The following SAR1B variants were observed in gnomAD, a reference collection of about 807,000 sequenced individuals.
The protein encoded by SAR1B is small COPII coat GTPase SAR1B.
In SAR1B, 23 loss-of-function variants were observed where a neutral mutation model predicts 26.8. The ratio of observed to expected loss-of-function variants is 0.86; its 90% CI spans 0.62 to 1.22. The LOEUF (loss-of-function observed/expected upper bound fraction) is 1.22, where lower values mean the gene tolerates loss of function less well. Among genes scored for constraint, SAR1B ranks in the 50% most tolerant of loss-of-function variants. The probability of loss-of-function intolerance (pLI) is 0.00; values close to 1 mark genes in which losing one functional copy is unlikely to be tolerated. For synonymous variants in SAR1B, 65 were observed against 80.8 expected (o/e 0.80, Z 1.05); for missense variants, 196 against 232.8 (o/e 0.84, Z 1.03).
intron 3 of SAR1B, chr5:134,614,202 TC>T (rs1765270207): frequency 6.6e-6 from 1 of 152,196 alleles, no homozygotes; most frequent in South Asian, 2.1e-4. Flanking sequence ...ATTTTTCATT[TC>T]TAGAAGTTTC....
chr5:134,630,778 C>CAA (rs772159748), intron 1 of SAR1B, among the ~76,000 whole-genome samples: 4 of 59,238 alleles, frequency 6.8e-5, no homozygotes, highest in African/African-American at 2.5e-4. Context: ...GACTCCGTCT[C>CAA]AAAAAAAAAA....
At chr5:134,609,763 G>C (rs574036522) in intron 4 of SAR1B, 89 bp from the exon 5 acceptor site, 2 of 955,096 alleles carry the variant, frequency 2.1e-6, no homozygotes, top group South Asian at 1.3e-5. Context: ...TATCAAGTGC[G>C]GTAATCCCTT....
intron 1 of SAR1B, among the ~76,000 whole-genome samples, chr5:134,624,967 T>A (rs1034572380): frequency 1.3e-5 from 2 of 152,006 alleles, no homozygotes; most frequent in Non-Finnish European, 2.9e-5. Flanking sequence ...GGCTTGAGTA[T>A]GATGATAAAC....
chr5:134,618,735 C>T (rs1402547442), intron 3 of SAR1B, among the ~76,000 whole-genome samples: 3 of 151,306 alleles, frequency 2.0e-5, no homozygotes, highest in East Asian at 2.0e-4. Context: ...TGGTGGCTCA[C>T]GCCTGTAATC....
chr5:134,609,607 G>A lies in SAR1B; in HGVS notation c.312C>T (p.Asp104=), dbSNP rs780986874. The A allele has an allele frequency of 4.3e-6, 7 of 1,614,054 alleles. No individual in the cohort carries two copies. Among genetic ancestry groups the A allele is most frequent in the Non-Finnish European group, 5.9e-6 (7 of 1,179,946 alleles). The change falls in exon 5 of 7, where the codon GAC becomes GAT. Residue 104 remains aspartate, a synonymous_variant. Coordinates refer to ENST00000402673, the MANE Select transcript of SAR1B (RefSeq NM_016103.4). The part of the protein sequence containing the change: ...NGIVFLVDCA[D]HERLLESKEE... The stretch of plus-strand genomic sequence containing the variant: ...CTTTTGACTCTAACAGCCTTTCGTG[G>A]TCTGCACAATCCACCAGAAATACAA...
intron 1 of SAR1B, among the ~76,000 whole-genome samples, 187 bp from the exon 2 acceptor site, chr5:134,624,224 C>A (rs575734251): frequency 6.6e-6 from 1 of 152,256 alleles, no homozygotes; most frequent in South Asian, 2.1e-4. Flanking sequence ...GCCTGGCCAA[C>A]ATGGTGAAAC....
chr5:134,629,437 C>T (rs1253146732), intron 1 of SAR1B, among the ~76,000 whole-genome samples: 1 of 146,720 alleles, frequency 6.8e-6, no homozygotes, highest in South Asian at 2.2e-4. Context: ...GGTGGCTCAC[C>T]CCTGTAATCC....
intron 6 of SAR1B, among the ~76,000 whole-genome samples, chr5:134,607,570 C>T (rs570328390): frequency 4.6e-5 from 7 of 151,964 alleles, no homozygotes; most frequent in South Asian, 4.2e-4. Context: ...GTCAGGAGTT[C>T]GAGACCAGAC....
intron 1 of SAR1B, among the ~76,000 whole-genome samples, chr5:134,628,137 C>T (rs1470438744): frequency 2.6e-5 from 4 of 151,626 alleles, no homozygotes; most frequent in Admixed American, 1.3e-4. Flanking sequence ...GAGCAAGACT[C>T]CGTCTCAAAA....
At chr5:134,617,504 T>C (rs1297720575) in intron 3 of SAR1B, among the ~76,000 whole-genome samples, 1 of 152,186 alleles carries the variant, frequency 6.6e-6, no homozygotes, top group Non-Finnish European at 1.5e-5. Flanking sequence ...AAGGTTGAGA[T>C]AGCATCTGTT....
At chr5:134,625,403 G>A (rs1020659125) in intron 1 of SAR1B, among the ~76,000 whole-genome samples, 1 of 152,184 alleles carries the variant, frequency 6.6e-6, no homozygotes. Context: ...GATTTTGAGA[G>A]TACTAGTGAG....
At chr5:134,609,486 G>A in intron 5 of SAR1B, 85 bp downstream of exon 5, 1 of 1,053,806 alleles carries the variant, frequency 9.5e-7, no homozygotes, top group Non-Finnish European at 1.5e-6. Flanking sequence ...CAGAAAAGCT[G>A]CACTCTGATA....
intron 3 of SAR1B, among the ~76,000 whole-genome samples, chr5:134,617,231 CAAA>C (rs879542262): frequency 7.2e-6 from 1 of 139,186 alleles, no homozygotes; most frequent in African/African-American, 2.6e-5. Context: ...GACACTGACT[CAAA>C]AAAAAAAAAT....
rs370358953 is a variant in SAR1B at position 134,621,046 on chromosome 5, T to C, written c.65A>G (p.Tyr22Cys). ...AAATACCAGTTTACCAGTTTTCTTA[T>C]ATAATCCTGCAAAGCAAGAGCTATG... ...FSSVLQFLGL[Y>C]KKTGKLVFLG... Residue 22 changes from tyrosine (Y) to cysteine (C), a missense_variant, in exon 3 of 7, where the codon TAT (tyrosine) becomes TGT (cysteine). Coordinates refer to ENST00000402673, the MANE Select transcript of SAR1B (RefSeq NM_016103.4). 3 of 1,613,180 alleles carry C rather than the reference T, an allele frequency of 1.9e-6. No homozygotes were observed. The African/African-American group carries it at 4.0e-5, about 22-fold the overall frequency.
chr5:134,615,537 C>T (rs1286903151), intron 3 of SAR1B, among the ~76,000 whole-genome samples: 2 of 150,770 alleles, frequency 1.3e-5, no homozygotes, highest in South Asian at 2.1e-4. Context: ...AATTCTGGGC[C>T]GGGGGCGGTG....
chr5:134,606,862 AG>A lies in SAR1B; in HGVS notation c.*87del. 3.6e-6 allele frequency: 3 copies of A among 843,918 alleles called. No individual in the cohort carries two copies. The South Asian group carries it at 4.0e-5, about 11-fold the overall frequency. 52.3% of individuals were successfully genotyped at this position (843,918 alleles called of 1,614,324 possible). On this transcript the variant is annotated 3_prime_UTR_variant, in exon 7 of 7. Coordinates refer to ENST00000402673, the MANE Select transcript of SAR1B (RefSeq NM_016103.4). ...AAACATCTGTTTTATAACCAGCAAAAGTCTATTGAATTCAAGTTATGCATGT... is the reference window on the plus strand; with the variant it reads ...AAACATCTGTTTTATAACCAGCAAAATCTATTGAATTCAAGTTATGCATGT...
chr5:134,614,099 A>T (rs1436156233), intron 3 of SAR1B: 1 of 152,230 alleles, frequency 6.6e-6, no homozygotes, highest in African/African-American at 2.4e-5. Context: ...TGAGCCCAGG[A>T]GTTCGAGACC....
intron 3 of SAR1B, chr5:134,613,568 A>T (rs1765256600): frequency 6.6e-6 from 1 of 152,170 alleles, no homozygotes; most frequent in African/African-American, 2.4e-5. Flanking sequence ...ACTCACCACA[A>T]ATCCAACATT....
chr5:134,608,587 A>T, intron 5 of SAR1B, 84 bp from the exon 6 acceptor site: 1 of 1,424,762 alleles, frequency 7.0e-7, no homozygotes, highest in Admixed American at 1.8e-5. Context: ...ACAATAAAGG[A>T]CTCATTTTCT....
Sources: allele counts gnomAD v4.1 joint callset (sites outside exome capture counted in the v4.1 genomes callset), GRCh38; gene constraint gnomAD v4.1.1; transcripts MANE v1.5; gene names NCBI Gene and HGNC (gene_info 2026-07-23, HGNC 2026-07-21).